Variants in EMSY observed in about 807,000 individuals in gnomAD.
The protein encoded by EMSY is BRCA2-interacting transcriptional repressor EMSY.
A neutral mutation model predicts 134.6 loss-of-function variants in EMSY; 26 were observed. The observed-to-expected ratio is 0.19, with a 90% CI of 0.14 to 0.27. The LOEUF (loss-of-function observed/expected upper bound fraction) is 0.27. Among genes scored for constraint, EMSY ranks in the 10% least tolerant of loss-of-function variants. The pLI, the probability that EMSY is intolerant of heterozygous loss-of-function variation, is 1.00. For synonymous variants in EMSY, 579 were observed against 577.8 expected (o/e 1.00, Z -0.03); for missense variants, 1,305 against 1,611.4 (o/e 0.81, Z 3.26).
In EMSY at chr11:76,550,399, GTCT is replaced by G. The variant is rs1238314803; in HGVS notation, c.*258_*260del. 2.8e-5 allele frequency: 8 copies of G among 289,482 alleles called. No individual in the cohort carries two copies. The Middle Eastern group carries it at 3.8e-3, about 137-fold the overall frequency. The allele number at this position is 289,482 out of a possible 1,614,324, so 17.9% of individuals were successfully genotyped here. On this transcript the variant is annotated 3_prime_UTR_variant, in exon 21 of 21. Coordinates refer to ENST00000334736, the Ensembl canonical transcript of EMSY. Reference sequence around the variant, plus strand: ...CACATTTACAGTGACTTAAGACCTGGTCTTCTTTCTCTGTTGGATCATGGCCGG... The same window carrying G: ...CACATTTACAGTGACTTAAGACCTGGTCTTTCTCTGTTGGATCATGGCCGG...
chr11:76,492,697 A>G (rs927586459), intron 8 of EMSY, among the ~76,000 whole-genome samples: 5 of 151,904 alleles, frequency 3.3e-5, no homozygotes, highest in African/African-American at 1.2e-4. Context: ...TAGGAACCCT[A>G]CTCTCTTCTG....
At chr11:76,503,977 G>A (rs911562866) in intron 9 of EMSY, among the ~76,000 whole-genome samples, 3 of 151,162 alleles carry the variant, frequency 2.0e-5, no homozygotes, top group African/African-American at 4.9e-5. Context: ...GTAGAGATGG[G>A]TTTTCACCAT....
chr11:76,528,507 A>G, intron 14 of EMSY, 41 bp downstream of exon 15: 1 of 1,447,844 alleles, frequency 6.9e-7, no homozygotes, highest in Non-Finnish European at 9.5e-7. Context: ...AGTACTACTG[A>G]CATAGTGCCC....
intron 7 of EMSY, 125 bp from the exon 9 acceptor site, chr11:76,472,439 A>G (rs1948611114): frequency 3.4e-6 from 3 of 892,744 alleles, no homozygotes; most frequent in Non-Finnish European, 4.9e-6. Flanking sequence ...TTAGTTGTAT[A>G]TTCTCTGTTG....
chr11:76,490,568 A>G (rs1949377034), intron 8 of EMSY, among the ~76,000 whole-genome samples: 2 of 152,140 alleles, frequency 1.3e-5, no homozygotes, highest in African/African-American at 2.4e-5. Flanking sequence ...GAGTACTTCT[A>G]TTTCCTCTCT....
intron 8 of EMSY, among the ~76,000 whole-genome samples, chr11:76,495,867 T>C (rs1286833363): frequency 2.6e-5 from 4 of 152,176 alleles, no homozygotes; most frequent in Non-Finnish European, 5.9e-5. Flanking sequence ...TTTGTTCTTA[T>C]ATTATTCACA....
chr11:76,551,668 T>C (rs530330033), downstream of EMSY: 101 of 152,354 alleles, frequency 6.6e-4, no homozygotes, highest in African/African-American at 2.3e-3. Context: ...TTGTACAAAT[T>C]CATGTTTAAA....
chr11:76,458,256 G>A (rs1947955536), exon 5 of EMSY: 12 of 1,614,096 alleles, frequency 7.4e-6, no homozygotes, highest in East Asian at 4.5e-5. Context: ...GCCCCGGCTC[G>A]TTCCCCAAAC....
At chr11:76,546,592 A>G (rs1193349822) in intron 20 of EMSY, among the ~76,000 whole-genome samples, 3 of 152,216 alleles carry the variant, frequency 2.0e-5, no homozygotes, top group South Asian at 2.1e-4. Flanking sequence ...ATACTTGCCA[A>G]TGTGTTCACT....
At position 76,491,754 on chromosome 11, in the gene EMSY, G is replaced by C. The variant is rs78281794; in HGVS notation, c.1109-4461G>C. Among the ~76,000 whole-genome samples the C allele has an allele frequency of 1.3e-3, 193 of 152,322 alleles. 1 individual carries two copies. The East Asian group carries it at 0.023, about 18-fold the overall frequency. ...TGGGTTATCCCGTGAACTCTTCTCA[G>C]TGTAGATGCTCTCCTCCTCCTACTC... On this transcript the variant is annotated intron_variant, in intron 8 of 20. Coordinates refer to ENST00000334736, the Ensembl canonical transcript of EMSY.
At chr11:76,523,707 T>TTTTTC (rs1950734858) in intron 12 of EMSY, among the ~76,000 whole-genome samples, 2 of 140,914 alleles carry the variant, frequency 1.4e-5, no homozygotes, top group African/African-American at 5.8e-5. Flanking sequence ...TTACTTTCTT[T>TTTTTC]TTTTTTTTTT....
exon 1 of EMSY, chr11:76,445,112 C>G (rs1333522330): frequency 6.5e-6 from 1 of 153,148 alleles, no homozygotes; most frequent in Non-Finnish European, 1.5e-5. Context: ...TTAGATGAGC[C>G]CCGAAAGGCC....
chr11:76,461,653 C>T (rs962650721), intron 6 of EMSY, among the ~76,000 whole-genome samples: 3 of 152,214 alleles, frequency 2.0e-5, no homozygotes, highest in South Asian at 2.1e-4. Flanking sequence ...AGGCTGGAGC[C>T]GGGCTCAGTG....
chr11:76,536,734 G>C (rs1227583243), intron 15 of EMSY, among the ~76,000 whole-genome samples: 1 of 152,100 alleles, frequency 6.6e-6, no homozygotes, highest in Non-Finnish European at 1.5e-5. Flanking sequence ...AATGACCTTA[G>C]CAATTATGTC....
intron 16 of EMSY, 53 bp from the exon 18 acceptor site, chr11:76,539,546 G>A: frequency 6.4e-7 from 1 of 1,572,672 alleles, no homozygotes; most frequent in South Asian, 1.1e-5. Context: ...CTAGATTCTT[G>A]CATGGTGAAC....
chr11:76,535,813 A>C, intron 14 of EMSY, 82 bp from the exon 16 acceptor site: 7 of 1,128,798 alleles, frequency 6.2e-6, no homozygotes, highest in Non-Finnish European at 8.1e-6. Flanking sequence ...ATAAGCAAAC[A>C]GACAAAAAAA....
intron 7 of EMSY, among the ~76,000 whole-genome samples, chr11:76,464,392 A>G (rs532515824): frequency 6.6e-6 from 1 of 152,316 alleles, no homozygotes; most frequent in South Asian, 2.1e-4. Flanking sequence ...ATTTTAACCT[A>G]TATTTGTATG....
chr11:76,529,856 T>A (rs1214468211), intron 14 of EMSY, among the ~76,000 whole-genome samples: 3 of 152,226 alleles, frequency 2.0e-5, no homozygotes, highest in Non-Finnish European at 4.4e-5. Context: ...TCTGTATTGA[T>A]TATGAGTCAA....
At chr11:76,520,246 C>A (rs1304065230) in intron 11 of EMSY, among the ~76,000 whole-genome samples, 1 of 151,994 alleles carries the variant, frequency 6.6e-6, no homozygotes, top group Non-Finnish European at 1.5e-5. Context: ...CATTTGCCCC[C>A]CCACCACATT....
Sources: gnomAD v4.1 joint callset for allele counts (sites outside exome capture counted in the v4.1 genomes callset) on GRCh38, gnomAD v4.1.1 for gene constraint, MANE v1.5 for transcripts, NCBI Gene and HGNC (gene_info 2026-07-23, HGNC 2026-07-21) for gene names.